The following ASB17 variants were observed in gnomAD, a reference collection of about 807,000 sequenced individuals.
ASB17 encodes ankyrin repeat and SOCS box containing 17, also known as ankyrin repeat and SOCS box protein 17.
A neutral mutation model predicts 25.7 loss-of-function variants in ASB17; 26 were observed. The observed-to-expected ratio is 1.01, with a 90% CI of 0.74 to 1.40. ASB17 has a LOEUF of 1.40. Among genes scored for constraint, ASB17 ranks in the 40% most tolerant of loss-of-function variants. ASB17 has a pLI of 0.00. For synonymous variants in ASB17, 128 were observed against 121.4 expected, an observed-to-expected ratio of 1.05 and a Z score of -0.36; for missense variants, 326 against 338.5, an observed-to-expected ratio of 0.96 and a Z score of 0.29.
intron 1 of ASB17, 83 bp from the exon 2 acceptor site, chr1:75,922,442 A>G: frequency 1.0e-6 from 1 of 986,834 alleles, no homozygotes; most frequent in Non-Finnish European, 1.4e-6. Flanking sequence ...TAATGGGAAA[A>G]TAATAGTTTA....
At chr1:75,929,995 T>C (rs1244262514) in intron 1 of ASB17, among the ~76,000 whole-genome samples, 3 of 151,908 alleles carry the variant, frequency 2.0e-5, no homozygotes, top group African/African-American at 7.3e-5. Context: ...TAGATCAGTA[T>C]TCCGCTTTGT....
chr1:75,919,784 CATT>C (rs1433217152), intron 2 of ASB17, among the ~76,000 whole-genome samples: 1 of 152,084 alleles, frequency 6.6e-6, no homozygotes, highest in African/African-American at 2.4e-5. Flanking sequence ...TCCAGTCTAT[CATT>C]GTTGGACATT....
intron 1 of ASB17, among the ~76,000 whole-genome samples, chr1:75,922,680 G>C (rs1005603571): frequency 2.0e-5 from 3 of 151,770 alleles, no homozygotes; most frequent in African/African-American, 7.3e-5. Flanking sequence ...ATTTTTAGTA[G>C]AGAAGGGGTT....
chr1:75,929,027 A>G (rs1025368654), intron 1 of ASB17, among the ~76,000 whole-genome samples: 5 of 152,128 alleles, frequency 3.3e-5, no homozygotes, highest in Admixed American at 2.6e-4. Flanking sequence ...GGAAGGTCCA[A>G]TTGAATAAAT....
intron 1 of ASB17, among the ~76,000 whole-genome samples, chr1:75,926,173 G>A (rs572076148): frequency 3.3e-5 from 5 of 152,250 alleles, no homozygotes; most frequent in Admixed American, 6.5e-5. Context: ...ACAAAATAAA[G>A]ATCCTTACTA....
chr1:75,930,199 GTATT>G (rs1653286383), intron 1 of ASB17, among the ~76,000 whole-genome samples: 1 of 147,468 alleles, frequency 6.8e-6, no homozygotes, highest in Admixed American at 6.8e-5. Flanking sequence ...ATAACCAGTT[GTATT>G]TATTTAGTTA....
At position 75,931,771 on chromosome 1, in the gene ASB17, G is replaced by A. The variant is rs973280593; in HGVS notation, c.401+120C>T. The A allele has an allele frequency of 3.7e-6, 3 of 817,472 alleles. No individual in the cohort carries two copies. The African/African-American group carries it at 5.3e-5, about 14-fold the overall frequency. The allele number at this position is 817,472 out of a possible 1,614,324, so 50.6% of individuals were successfully genotyped here. On this transcript the variant is annotated intron_variant, in intron 1 of 2. Coordinates refer to ENST00000284142, the MANE Select transcript of ASB17 (RefSeq NM_080868.3). The stretch of plus-strand genomic sequence containing the variant: ...GAGTGAACACGTGGTCAAGCAATTA[G>A]GTGAGAATTCCTTACTTCACATATA...
At chr1:75,929,370 G>A (rs1422136480) in intron 1 of ASB17, among the ~76,000 whole-genome samples, 2 of 148,984 alleles carry the variant, frequency 1.3e-5, no homozygotes, top group South Asian at 2.2e-4. Context: ...GACTACAGGC[G>A]CCCGCCACTG....
chr1:75,926,474 T>G (rs1204937754), intron 1 of ASB17, among the ~76,000 whole-genome samples: 1 of 152,142 alleles, frequency 6.6e-6, no homozygotes, highest in Non-Finnish European at 1.5e-5. Flanking sequence ...CCTGGAGTGA[T>G]GAAGGAAGAA....
chr1:75,923,712 T>C (rs1653092180), intron 1 of ASB17, among the ~76,000 whole-genome samples: 1 of 152,156 alleles, frequency 6.6e-6, no homozygotes, highest in Non-Finnish European at 1.5e-5. Flanking sequence ...ATATAGTACT[T>C]AGGTAAAATG....
At chr1:75,919,845 A>C (rs1301466668) in intron 2 of ASB17, among the ~76,000 whole-genome samples, 1 of 152,168 alleles carries the variant, frequency 6.6e-6, no homozygotes, top group Non-Finnish European at 1.5e-5. Flanking sequence ...TGCAATAAAC[A>C]TATGTGTGCA....
At chr1:75,921,780 G>T (rs576269856) in intron 2 of ASB17, among the ~76,000 whole-genome samples, 2 of 151,964 alleles carry the variant, frequency 1.3e-5, no homozygotes, top group Non-Finnish European at 2.9e-5. Context: ...TTTTGATTTT[G>T]TTTTTAAAGG....
At chr1:75,929,238 T>G (rs1381089252) in intron 1 of ASB17, among the ~76,000 whole-genome samples, 5 of 151,914 alleles carry the variant, frequency 3.3e-5, no homozygotes, top group Admixed American at 2.0e-4. Context: ...TTTTTTTATT[T>G]TTTTGAGACG....
chr1:75,929,929 C>A (rs1470902047), intron 1 of ASB17, among the ~76,000 whole-genome samples: 1 of 121,738 alleles, frequency 8.2e-6, no homozygotes, highest in African/African-American at 3.3e-5. Context: ...TGCTGTTAAT[C>A]GGGGGTTGGG....
intron 1 of ASB17, among the ~76,000 whole-genome samples, chr1:75,927,122 A>G (rs1653193604): frequency 6.6e-6 from 1 of 152,184 alleles, no homozygotes; most frequent in Non-Finnish European, 1.5e-5. Flanking sequence ...CAAGGAATGT[A>G]GATGGCCTCT....
chr1:75,925,717 G>T (rs1288272200), intron 1 of ASB17, among the ~76,000 whole-genome samples: 2 of 152,060 alleles, frequency 1.3e-5, no homozygotes, highest in East Asian at 1.9e-4. Flanking sequence ...ATGAAATGGG[G>T]CATAATATTT....
chr1:75,931,884 T>C lies in ASB17; in HGVS notation c.401+7A>G. 6.4e-7 allele frequency: 1 copy of C among 1,557,368 alleles called. No homozygotes were observed. The highest frequency in any genetic ancestry group is 8.6e-7 in the Non-Finnish European group (1 of 1,156,272). ...TGTTCTATAGTGAAAACATATGAAA[T>C]TATTACCTCCATATCAGTGCCAGGT... On this transcript the variant is annotated splice_region_variant and intron_variant, in intron 1 of 2. Transcript: ENST00000284142.
chr1:75,927,200 A>C (rs905741894), intron 1 of ASB17, among the ~76,000 whole-genome samples: 5 of 151,948 alleles, frequency 3.3e-5, no homozygotes, highest in African/African-American at 1.2e-4. Flanking sequence ...ACCTACTAAC[A>C]ATTTGATTTA....
At chr1:75,923,034 A>G (rs1653073353) in intron 1 of ASB17, among the ~76,000 whole-genome samples, 1 of 152,228 alleles carries the variant, frequency 6.6e-6, no homozygotes, top group Non-Finnish European at 1.5e-5. Context: ...GAAAAGGAGG[A>G]CAGAACTTTT....
Sources: gnomAD v4.1 joint callset for allele counts (sites outside exome capture counted in the v4.1 genomes callset) on GRCh38, gnomAD v4.1.1 for gene constraint, MANE v1.5 for transcripts, NCBI Gene and HGNC (gene_info 2026-07-23, HGNC 2026-07-21) for gene names.